The following TLE3 variants were observed in gnomAD, a reference collection of about 807,000 sequenced individuals.
TLE3 encodes transducin-like enhancer protein 3.
Under a neutral mutation model 93.0 loss-of-function variants are expected in TLE3, and 14 were observed. The ratio of observed to expected loss-of-function variants is 0.15; its 90% CI spans 0.10 to 0.24. The LOEUF (loss-of-function observed/expected upper bound fraction) is 0.24. Among genes scored for constraint, TLE3 ranks in the 10% least tolerant of loss-of-function variants. The probability of loss-of-function intolerance (pLI) is 1.00; values close to 1 mark genes in which losing one functional copy is unlikely to be tolerated. For synonymous variants in TLE3, 451 were observed against 425.0 expected, an observed-to-expected ratio of 1.06 and a Z score of -0.75; for missense variants, 693 against 1,046.6, an observed-to-expected ratio of 0.66 and a Z score of 4.66.
Position 70,056,353 on chromosome 15 carries a change from G to C in TLE3, c.1273C>G (p.Pro425Ala). Residue 425 changes from proline (P) to alanine (A), a missense_variant, in exon 14 of 20, where the codon CCG becomes GCG. This residue lies in a region of TLE3 where 405 missense variants were observed against 468.9 expected (regional missense o/e 0.86). Transcript: ENST00000451782. ...FGAVGFDPHP[P>A]MRATGLPSSL... is the part of the protein sequence containing the mutation. The stretch of plus-strand genomic sequence containing the variant: ...GAGGGGAGGCCTGTGGCCCGCATCG[G>C]GGGGTGAGGGTCAAAACCAACCTGT... 1.9e-6 allele frequency: 3 copies of C among 1,613,518 alleles called. No individual in the cohort carries two copies. Among genetic ancestry groups the C allele is most frequent in the South Asian group, 1.1e-5 (1 of 91,080 alleles).
rs564660697 is a variant in TLE3 at position 70,083,986 on chromosome 15, A to T, written c.235-7828T>A. ...GAGGGTCTTCTTTCTCCAAATAAGG[A>T]AGGCAGGAGTGATGGCATTTCTTAG... On this transcript the variant is annotated intron_variant, in intron 4 of 19. Coordinates refer to ENST00000451782, the MANE Select transcript of TLE3 (RefSeq NM_001105192.3). Among the ~76,000 whole-genome samples the T allele has an allele frequency of 3.9e-5, 6 of 152,374 alleles. No homozygotes were observed. In the East Asian group the frequency reaches 1.2e-3, roughly 29 times the overall value.
intron 4 of TLE3, among the ~76,000 whole-genome samples, chr15:70,089,846 G>T (rs1468410679): frequency 6.6e-6 from 1 of 152,206 alleles, no homozygotes. Flanking sequence ...CAACAAAATG[G>T]AAACAAACAG....
chr15:70,058,208 G>A lies in TLE3; in HGVS notation c.1002C>T (p.Thr334=). The A allele has an allele frequency of 1.9e-6, 3 of 1,613,902 alleles. No homozygotes were observed. Among genetic ancestry groups the A allele is most frequent in the Non-Finnish European group, 2.5e-6 (3 of 1,179,862 alleles). The change falls in exon 12 of 20, where the codon ACC becomes ACT. Residue 334 remains threonine, a synonymous_variant. Coordinates refer to ENST00000451782, the MANE Select transcript of TLE3 (RefSeq NM_001105192.3). This position sits in a 1 kb window ranked among gnomAD's most constrained non-coding sequence, Gnocchi z 4.1. Reference sequence around the variant, plus strand: ...TACCCGGCATCGACCTGAGCCCTGGGGTCGTGCTGGTGCCTGGAGTTGGGG... The same window carrying A: ...TACCCGGCATCGACCTGAGCCCTGGAGTCGTGCTGGTGCCTGGAGTTGGGG... ...NDAPTPGTST[T]PGLRSMPGKP...
At chr15:70,085,572 T>G (rs1249417640) in intron 4 of TLE3, among the ~76,000 whole-genome samples, 1 of 152,092 alleles carries the variant, frequency 6.6e-6, no homozygotes, top group African/African-American at 2.4e-5. Context: ...GGTAAAAGAA[T>G]AGTGAGAAAA....
At chr15:70,080,181 C>T (rs887479283) in intron 4 of TLE3, among the ~76,000 whole-genome samples, 2 of 152,126 alleles carry the variant, frequency 1.3e-5, no homozygotes, top group African/African-American at 2.4e-5. Context: ...AATCCGTTAT[C>T]GATAAGGCGG....
chr15:70,070,255 C>A (rs1385570155), intron 6 of TLE3, among the ~76,000 whole-genome samples: 1 of 152,264 alleles, frequency 6.6e-6, no homozygotes, highest in African/African-American at 2.4e-5. Context: ...CACCCATGGC[C>A]TGGCTCAGAA....
rs944593687 is a variant in TLE3 at position 70,050,283 on chromosome 15, G to A, written c.2203-79C>T. ...AAAAGACAGGAATTCATTTTCCAGT[G>A]CTCAACACCATCTCGGTTCTCTCGG... On this transcript the variant is annotated intron_variant, in intron 19 of 19. Transcript: ENST00000451782. 2.7e-6 allele frequency: 3 copies of A among 1,093,508 alleles called. No homozygotes were observed. The East Asian group carries it at 7.1e-5, about 26-fold the overall frequency. The allele number at this position is 1,093,508 out of a possible 1,614,324, so 67.7% of individuals were successfully genotyped here.
intron 3 of TLE3, among the ~76,000 whole-genome samples, chr15:70,095,033 G>A (rs1035432118): frequency 8.5e-5 from 13 of 152,232 alleles, no homozygotes; most frequent in African/African-American, 2.7e-4. Context: ...CTGCCCCAGC[G>A]TGGAGAAGAT....
At position 70,048,601 on chromosome 15, in the gene TLE3, G is replaced by C. The variant is rs1464592075; in HGVS notation, c.*1496C>G. On this transcript the variant is annotated 3_prime_UTR_variant, in exon 20 of 20. Coordinates refer to ENST00000451782, the MANE Select transcript of TLE3 (RefSeq NM_001105192.3). ...GGAGAGCCTGCCACCAGGACTCACA[G>C]CGGCCTTTAGCTTTTCTTTAAAAGG... 6.6e-6 allele frequency: 1 copy of C among 151,426 alleles called. No homozygotes were observed. The highest frequency in any genetic ancestry group is 1.5e-5 in the Non-Finnish European group (1 of 67,940). 9.4% of individuals were successfully genotyped at this position (151,426 alleles called of 1,614,324 possible). A position where few individuals can be genotyped will look rare whatever the true frequency, so the allele number is the denominator to read the frequency against.
At chr15:70,095,554 C>G in intron 3 of TLE3, 24 bp downstream of exon 3, 1 of 1,549,766 alleles carries the variant, frequency 6.5e-7, no homozygotes, top group Non-Finnish European at 8.7e-7. Context: ...CCAACCGCCC[C>G]CCAGGCCCGC....
chr15:70,096,329 C>A, intron 1 of TLE3, 68 bp from the exon 2 acceptor site: 1 of 1,534,020 alleles, frequency 6.5e-7, no homozygotes, highest in Non-Finnish European at 8.8e-7. Context: ...GCGGCCCCGG[C>A]CCCTCCCCAA....
chr15:70,097,425 A>C lies in TLE3; in HGVS notation c.-627T>G. 1 of 411,706 alleles carries C rather than the reference A, an allele frequency of 2.4e-6. No homozygotes were observed. 25.5% of individuals were successfully genotyped at this position (411,706 alleles called of 1,614,324 possible). ...TTCGACGCCCCCCCTCGGAGAGGAG[A>C]GCCTGCTGTTCCGTCTGCTACTGCC... is the stretch of plus-strand genomic sequence containing the variant. On this transcript the variant is annotated 5_prime_UTR_variant, in exon 1 of 20. Transcript: ENST00000451782.
chr15:70,084,029 C>A (rs998667608), intron 4 of TLE3, among the ~76,000 whole-genome samples: 13 of 152,204 alleles, frequency 8.5e-5, no homozygotes, highest in Non-Finnish European at 1.5e-5. Context: ...AAATCAAGAT[C>A]GGTCATTTAG....
intron 14 of TLE3, 98 bp downstream of exon 14, chr15:70,056,197 AAAC>A: frequency 7.6e-7 from 1 of 1,312,348 alleles, no homozygotes; most frequent in Non-Finnish European, 1.1e-6. Flanking sequence ...GCACCAGGGC[AAAC>A]CCTTGGTCAG....
intron 4 of TLE3, among the ~76,000 whole-genome samples, chr15:70,080,846 C>G (rs1025898857): frequency 6.6e-6 from 1 of 152,188 alleles, no homozygotes; most frequent in East Asian, 1.9e-4. Flanking sequence ...TCTGTACCCC[C>G]CAGCAACCTC....
chr15:70,076,079 A>C lies in TLE3; in HGVS notation c.297+17T>G. ...GATTTGGAAAGAAAAGGAAGAAATA[A>C]TAAAAGAAGGTCTTACCTCTTGTGA... On this transcript the variant is annotated intron_variant, in intron 5 of 19. Transcript: ENST00000451782. The C allele has an allele frequency of 6.2e-7, 1 of 1,613,040 alleles. No individual in the cohort carries two copies. The highest frequency in any genetic ancestry group is 1.3e-5 in the African/African-American group (1 of 75,034).
chr15:70,061,902 G>GGA (rs1370174801), intron 8 of TLE3, among the ~76,000 whole-genome samples: 1 of 150,466 alleles, frequency 6.6e-6, no homozygotes, highest in East Asian at 1.9e-4. Flanking sequence ...AGACCCAGAG[G>GGA]GACATCTGTT....
rs1465187489 is a variant in TLE3, at chr15:70,049,128, G to A, written c.*969C>T. On this transcript the variant is annotated 3_prime_UTR_variant, in exon 20 of 20. Transcript: ENST00000451782. ...TGTGTCCCAAGATTCAGAAGAGCTG[G>A]AGAGGGAGTTCCTTTGAACTTCCAT... 6.6e-6 allele frequency: 1 copy of A among 152,140 alleles called. No individual in the cohort carries two copies. Among genetic ancestry groups the A allele is most frequent in the Non-Finnish European group, 1.5e-5 (1 of 68,044 alleles). The allele number at this position is 152,140 out of a possible 1,614,324, so 9.4% of individuals were successfully genotyped here. A position where few individuals can be genotyped will look rare whatever the true frequency, so the allele number is the denominator to read the frequency against.
intron 4 of TLE3, among the ~76,000 whole-genome samples, chr15:70,088,474 A>G (rs956299160): frequency 6.6e-6 from 1 of 152,234 alleles, no homozygotes; most frequent in Non-Finnish European, 1.5e-5. Context: ...AGGAAAAGGA[A>G]AAAGGAAGAA....
Sources: gnomAD v4.1 joint callset for allele counts (sites outside exome capture counted in the v4.1 genomes callset) on GRCh38, gnomAD v4.1.1 for gene constraint, gnomAD v4.1.1 regional missense constraint, Gnocchi (gnomAD v3.1) non-coding constraint, MANE v1.5 for transcripts, NCBI Gene and HGNC (gene_info 2026-07-23, HGNC 2026-07-21) for gene names.